BIRC6: variants seen among roughly 807,000 people sequenced by gnomAD.
BIRC6 encodes the protein dual E2 ubiquitin-conjugating enzyme/E3 ubiquitin-protein ligase BIRC6.
In BIRC6, 98 loss-of-function variants were observed where a neutral mutation model predicts 503.3. That is an observed-to-expected ratio of 0.19 (90% CI 0.17 to 0.23). The LOEUF (loss-of-function observed/expected upper bound fraction) is 0.23, where lower values mean the gene tolerates loss of function less well. Among genes scored for constraint, BIRC6 ranks in the 10% least tolerant of loss-of-function variants. The probability of loss-of-function intolerance (pLI) is 1.00; values close to 1 mark genes in which losing one functional copy is unlikely to be tolerated. For synonymous variants in BIRC6, 2,240 were observed against 2,078.7 expected, an observed-to-expected ratio of 1.08 and a Z score of -2.11; for missense variants, 5,360 against 5,806.0, an observed-to-expected ratio of 0.92 and a Z score of 2.50.
chr2:32,593,868 A>T, intron 66 of BIRC6, 47 bp from the exon 67 acceptor site: 1 of 1,548,236 alleles, frequency 6.5e-7, no homozygotes, highest in South Asian at 1.2e-5. Flanking sequence ...TTTTAGTCCT[A>T]AAATCTTAAT....
At chr2:32,408,486 T>C (rs180805862) in intron 9 of BIRC6, among the ~76,000 whole-genome samples, 88 of 152,300 alleles carry the variant, frequency 5.8e-4, no homozygotes, top group African/African-American at 1.8e-3. Context: ...GTTTTTCCTT[T>C]GTAAAGTGTT....
intron 70 of BIRC6, among the ~76,000 whole-genome samples, chr2:32,602,022 A>T (rs944534284): frequency 1.3e-5 from 2 of 152,192 alleles, no homozygotes; most frequent in African/African-American, 4.8e-5. Flanking sequence ...AAATAGTACC[A>T]CTTTTATTAA....
rs765420228 is a variant in BIRC6, at chr2:32,473,186, C to T, written c.6667C>T (p.Leu2223Phe). The T allele has an allele frequency of 1.9e-6, 3 of 1,563,590 alleles. No homozygotes were observed. Among genetic ancestry groups the T allele is most frequent in the South Asian group, 1.2e-5 (1 of 84,716 alleles). The part of the protein sequence containing the change: ...LNRSSKGSSS[L>F]DRLYSRKIRK... ...TAGATCTTCTAAAGGCAGCAGTAGC[C>T]TTGATAGATTATATTCCAGAAAAAT... is the stretch of plus-strand genomic sequence containing the variant. The change falls in exon 33 of 74, where the codon CTT (leucine) becomes TTT (phenylalanine). Residue 2223 changes from leucine to phenylalanine, a missense_variant. Coordinates refer to ENST00000421745, the MANE Select transcript of BIRC6 (RefSeq NM_016252.4).
At chr2:32,504,912 A>T in intron 49 of BIRC6, 93 bp from the exon 50 acceptor site, 1 of 1,156,018 alleles carries the variant, frequency 8.7e-7, no homozygotes, top group Non-Finnish European at 1.2e-6. Context: ...TTTTCAATTA[A>T]TTTTTCTAGT....
chr2:32,389,312 G>C (rs1444705001), intron 4 of BIRC6, among the ~76,000 whole-genome samples: 2 of 150,518 alleles, frequency 1.3e-5, no homozygotes, highest in Non-Finnish European at 3.0e-5. Flanking sequence ...TGACCTTTGA[G>C]ATAAATTTTG....
intron 64 of BIRC6, among the ~76,000 whole-genome samples, chr2:32,548,340 TA>T (rs2058193787): frequency 6.6e-6 from 1 of 150,712 alleles, no homozygotes; most frequent in Non-Finnish European, 1.5e-5. Context: ...AAGTGTTATT[TA>T]TTTATATGCA....
intron 61 of BIRC6, among the ~76,000 whole-genome samples, chr2:32,536,534 G>C (rs1398365454): frequency 6.6e-6 from 1 of 152,114 alleles, no homozygotes; most frequent in East Asian, 1.9e-4. Flanking sequence ...TGGCTAGCCA[G>C]TTTCCCAGCA....
chr2:32,431,137 T>C, intron 12 of BIRC6, 47 bp downstream of exon 12: 1 of 1,318,554 alleles, frequency 7.6e-7, no homozygotes. Flanking sequence ...ATCTTGTGTA[T>C]TTGTCAGAGA....
chr2:32,516,679 A>G (rs532513007), intron 55 of BIRC6, among the ~76,000 whole-genome samples: 73 of 152,046 alleles, frequency 4.8e-4, no homozygotes, highest in Non-Finnish European at 9.7e-4. Flanking sequence ...ATATTATGAT[A>G]ATCATAATTT....
intron 53 of BIRC6, among the ~76,000 whole-genome samples, 195 bp from the exon 54 acceptor site, chr2:32,512,738 A>G (rs2149657965): frequency 6.6e-6 from 1 of 152,262 alleles, no homozygotes; most frequent in East Asian, 1.9e-4. Context: ...GTTATTGGAA[A>G]ATTGGAACTG....
rs774271762 is a variant in BIRC6 at position 32,543,578 on chromosome 2, G to A, written c.12592+37G>A. The stretch of plus-strand genomic sequence containing the variant: ...GTATTAAATTTATCAACACATATGT[G>A]AATAGGTTGTGTAAAGGTATCCAGA... On this transcript the variant is annotated intron_variant, in intron 62 of 73. Transcript: ENST00000421745. 43 of 1,579,588 alleles carry A rather than the reference G, an allele frequency of 2.7e-5. No homozygotes were observed. In the Admixed American group the frequency reaches 3.7e-4, roughly 14 times the overall value.
chr2:32,448,712 G>T, intron 21 of BIRC6, 83 bp from the exon 22 acceptor site: 1 of 1,328,074 alleles, frequency 7.5e-7, no homozygotes, highest in African/African-American at 1.5e-5. Flanking sequence ...CTGTTAGTCA[G>T]ACTGCTTTTA....
chr2:32,430,924 C>T lies in BIRC6; in HGVS notation c.3082C>T (p.Leu1028=), dbSNP rs147301062. The part of the protein sequence containing the change: ...TLEILTSLVE[L]TRFETLTPRF... Reference sequence around the variant, plus strand: ...TGAAATCTTGACATCCCTAGTGGAGCTAACCCGCTTTGAGACTTTGACTCC... The same window carrying T: ...TGAAATCTTGACATCCCTAGTGGAGTTAACCCGCTTTGAGACTTTGACTCC... The change falls in exon 12 of 74, where the codon CTA becomes TTA. Residue 1028 remains leucine (L), a synonymous_variant. Transcript: ENST00000421745. 4.8e-5 allele frequency: 78 copies of T among 1,610,970 alleles called. No individual in the cohort carries two copies. The highest frequency in any genetic ancestry group is 6.6e-5 in the Non-Finnish European group (78 of 1,179,134).
chr2:32,399,939 T>A (rs1000836519), intron 6 of BIRC6, among the ~76,000 whole-genome samples: 1 of 151,916 alleles, frequency 6.6e-6, no homozygotes, highest in African/African-American at 2.4e-5. Context: ...AGGCACATGC[T>A]ACCACACCCA....
chr2:32,369,587 C>A (rs1286942141), intron 1 of BIRC6, among the ~76,000 whole-genome samples: 1 of 151,694 alleles, frequency 6.6e-6, no homozygotes, highest in African/African-American at 2.4e-5. Context: ...ACCACCACGC[C>A]CGGCTAATTT....
chr2:32,480,140 A>G (rs144961206), intron 37 of BIRC6, among the ~76,000 whole-genome samples: 1 of 152,178 alleles, frequency 6.6e-6, no homozygotes, highest in Non-Finnish European at 1.5e-5. Context: ...ATGTTTGCTC[A>G]TGATTTTCTA....
chr2:32,459,002 G>C (rs1051629114), intron 23 of BIRC6, among the ~76,000 whole-genome samples: 1 of 151,894 alleles, frequency 6.6e-6, no homozygotes, highest in South Asian at 2.1e-4. Flanking sequence ...TATTGTCTTA[G>C]CGTAACAATA....
intron 70 of BIRC6, 29 bp downstream of exon 70, chr2:32,599,929 A>T (rs779468189): frequency 2.5e-6 from 4 of 1,596,510 alleles, no homozygotes; most frequent in Admixed American, 1.7e-5. Context: ...TTTGTTTCAA[A>T]TGCCAATGAT....
chr2:32,406,627 C>G (rs539114598), intron 9 of BIRC6, 70 bp downstream of exon 9: 1 of 1,046,350 alleles, frequency 9.6e-7, no homozygotes, highest in Admixed American at 2.3e-5. Flanking sequence ...CTAACTACCA[C>G]TTAATTCTGA....
Sources: gnomAD v4.1 joint callset for allele counts (sites outside exome capture counted in the v4.1 genomes callset) on GRCh38, gnomAD v4.1.1 for gene constraint, MANE v1.5 for transcripts, NCBI Gene and HGNC (gene_info 2026-07-23, HGNC 2026-07-21) for gene names.